Variants in SSBP2 observed in about 807,000 individuals in gnomAD.
The protein encoded by SSBP2 is single-stranded DNA-binding protein 2.
SSBP2 carries 17 observed loss-of-function variants against 61.8 expected under a neutral mutation model. That is an observed-to-expected ratio of 0.28 (90% CI 0.19 to 0.41). SSBP2 has a LOEUF of 0.41. SSBP2 is among the 10% of genes least tolerant of loss of function. The probability of loss-of-function intolerance (pLI) is 1.00; values close to 1 mark genes in which losing one functional copy is unlikely to be tolerated. For missense variants in SSBP2, 310 were observed against 458.7 expected, an observed-to-expected ratio of 0.68 and a Z score of 2.96; for synonymous variants, 139 against 141.3, an observed-to-expected ratio of 0.98 and a Z score of 0.12.
At chr5:81,624,969 C>A (rs766832116) in intron 3 of SSBP2, among the ~76,000 whole-genome samples, 1 of 152,142 alleles carries the variant, frequency 6.6e-6, no homozygotes, top group Non-Finnish European at 1.5e-5. Context: ...ACTATTGGTC[C>A]AAAACTAGTG....
intron 1 of SSBP2, among the ~76,000 whole-genome samples, chr5:81,692,906 A>T (rs1383988677): frequency 6.6e-6 from 1 of 152,118 alleles, no homozygotes; most frequent in Admixed American, 6.6e-5. Flanking sequence ...TAAAACTCTT[A>T]AAAGAAAATA....
chr5:81,510,948 G>C (rs985494373), intron 5 of SSBP2, among the ~76,000 whole-genome samples: 7 of 152,052 alleles, frequency 4.6e-5, no homozygotes, highest in Admixed American at 2.6e-4. Context: ...TTAGGATCAA[G>C]TTCAAACTCT....
At chr5:81,580,906 A>G (rs886955950) in intron 4 of SSBP2, among the ~76,000 whole-genome samples, 1 of 152,222 alleles carries the variant, frequency 6.6e-6, no homozygotes, top group Non-Finnish European at 1.5e-5. Flanking sequence ...ATAATCTTCA[A>G]TATAATTATG....
intron 3 of SSBP2, among the ~76,000 whole-genome samples, chr5:81,629,478 G>T (rs1747488856): frequency 6.6e-6 from 1 of 152,056 alleles, no homozygotes; most frequent in Non-Finnish European, 1.5e-5. Flanking sequence ...AGATGAACTG[G>T]TCCATACCAA....
intron 1 of SSBP2, among the ~76,000 whole-genome samples, chr5:81,746,088 T>G (rs551639162): frequency 1.5e-3 from 228 of 152,092 alleles, no homozygotes; most frequent in African/African-American, 5.2e-3. Context: ...CTCTCACAGC[T>G]CTGAAAAAAA....
At chr5:81,428,942 T>C (rs1340709881) in intron 15 of SSBP2, among the ~76,000 whole-genome samples, 1 of 152,164 alleles carries the variant, frequency 6.6e-6, no homozygotes, top group Non-Finnish European at 1.5e-5. Flanking sequence ...AATCAATATT[T>C]ATTCAATTTC....
intron 4 of SSBP2, among the ~76,000 whole-genome samples, chr5:81,598,871 T>C (rs1487058117): frequency 6.6e-6 from 1 of 152,188 alleles, no homozygotes; most frequent in African/African-American, 2.4e-5. Context: ...TAATGGTTTA[T>C]GATTTACCAA....
Position 81,414,342 on chromosome 5 carries a change from T to TCTTCTATTC in SSBP2, c.*6153_*6161dup, listed in dbSNP as rs1761231318. The stretch of plus-strand genomic sequence containing the variant: ...TAAAATATCTTACAGAAATCATTAT[T>TCTTCTATTC]CTTCTATTCAAGAAAACCAATTATA... On this transcript the variant is annotated 3_prime_UTR_variant, in exon 17 of 17. Transcript: ENST00000320672. 1 of 152,164 alleles carries TCTTCTATTC rather than the reference T, an allele frequency of 6.6e-6. No homozygotes were observed. The allele number at this position is 152,164 out of a possible 1,614,324, so 9.4% of individuals were successfully genotyped here. A position where few individuals can be genotyped will look rare whatever the true frequency, so the allele number is the denominator to read the frequency against.
At chr5:81,743,222 A>G (rs1201677501) in intron 1 of SSBP2, among the ~76,000 whole-genome samples, 1 of 152,156 alleles carries the variant, frequency 6.6e-6, no homozygotes, top group Non-Finnish European at 1.5e-5. Flanking sequence ...TCTTCATCCC[A>G]ATTTTCACTC....
intron 1 of SSBP2, among the ~76,000 whole-genome samples, chr5:81,678,684 A>C (rs1240030696): frequency 2.6e-5 from 4 of 152,132 alleles, no homozygotes; most frequent in African/African-American, 9.6e-5. Flanking sequence ...CAAAGGAATA[A>C]AACACTTTAT....
chr5:81,493,226 CAT>C (rs1561465706), intron 5 of SSBP2, among the ~76,000 whole-genome samples: 1 of 149,816 alleles, frequency 6.7e-6, no homozygotes, highest in African/African-American at 2.5e-5. Context: ...ATATCAAAAA[CAT>C]ATATATATTT....
chr5:81,614,352 TC>T (rs1386564468), intron 4 of SSBP2, among the ~76,000 whole-genome samples: 1 of 86,552 alleles, frequency 1.2e-5, no homozygotes, highest in Non-Finnish European at 2.0e-5. Flanking sequence ...ACAGCGAGAC[TC>T]CGTCTCAAAA....
chr5:81,721,600 GAAAACAAAAACA>G (rs544994603), intron 1 of SSBP2, among the ~76,000 whole-genome samples: 5,392 of 151,974 alleles, frequency 0.035, 337 homozygotes, highest in African/African-American at 0.12. Flanking sequence ...CATGGAAACT[GAAAACAAAAACA>G]AAAACAAAAA....
chr5:81,568,955 G>T (rs1015684549), intron 4 of SSBP2, among the ~76,000 whole-genome samples: 10 of 152,134 alleles, frequency 6.6e-5, no homozygotes, highest in African/African-American at 2.4e-4. Context: ...GAGGGAAGTT[G>T]GTTGGATTCC....
At chr5:81,640,592 AAAATAAG>A (rs1304278194) in intron 2 of SSBP2, among the ~76,000 whole-genome samples, 1 of 152,260 alleles carries the variant, frequency 6.6e-6, no homozygotes, top group African/African-American at 2.4e-5. Flanking sequence ...TGGTTCATAA[AAAATAAG>A]AAATAATATT....
intron 4 of SSBP2, among the ~76,000 whole-genome samples, chr5:81,582,699 T>A (rs980483171): frequency 1.3e-5 from 2 of 152,114 alleles, no homozygotes; most frequent in Admixed American, 1.3e-4. Flanking sequence ...GTTCAAGCAA[T>A]TTTCTTGCCT....
chr5:81,530,417 CTT>C (rs1178740042), intron 4 of SSBP2, among the ~76,000 whole-genome samples: 1 of 151,970 alleles, frequency 6.6e-6, no homozygotes, highest in African/African-American at 2.4e-5. Context: ...GGATAAATAT[CTT>C]TGGTATTTTT....
chr5:81,738,871 T>C (rs56653428), intron 1 of SSBP2, among the ~76,000 whole-genome samples: 9,205 of 152,142 alleles, frequency 0.061, 903 homozygotes, highest in African/African-American at 0.21. Context: ...CTGCTTAAAA[T>C]TGCTTATCTC....
intron 1 of SSBP2, among the ~76,000 whole-genome samples, chr5:81,668,405 C>T (rs948677005): frequency 6.6e-6 from 1 of 151,886 alleles, no homozygotes; most frequent in African/African-American, 2.4e-5. Flanking sequence ...TCCTAAGTAG[C>T]TTAAAAATGA....
Sources: gnomAD v4.1 joint callset for allele counts (sites outside exome capture counted in the v4.1 genomes callset) on GRCh38, gnomAD v4.1.1 for gene constraint, MANE v1.5 for transcripts, NCBI Gene and HGNC (gene_info 2026-07-23, HGNC 2026-07-21) for gene names.